Variants in EMC2 observed in about 807,000 individuals in gnomAD.
EMC2 encodes the protein ER membrane protein complex subunit 2.
In EMC2, 37 loss-of-function variants were observed where a neutral mutation model predicts 51.6. The observed-to-expected ratio is 0.72, with a 90% confidence interval of 0.55 to 0.94. The LOEUF is 0.94. EMC2 is among the 40% of genes least tolerant of loss of function. The pLI, the probability that EMC2 is intolerant of heterozygous loss-of-function variation, is 0.00. For missense variants in EMC2, 359 were observed against 350.9 expected (o/e 1.02, Z -0.18); for synonymous variants, 131 against 112.4 (o/e 1.17, Z -1.04).
chr8:108,485,452 T>TAGGTA (rs1811118548), intron 10 of EMC2, among the ~76,000 whole-genome samples: 2 of 143,928 alleles, frequency 1.4e-5, no homozygotes, highest in Non-Finnish European at 3.0e-5. Flanking sequence ...TTAATATATA[T>TAGGTA]ACATATATAT....
intron 3 of EMC2, among the ~76,000 whole-genome samples, chr8:108,451,064 G>A (rs762962514): frequency 1.8e-4 from 28 of 152,106 alleles, no homozygotes; most frequent in Non-Finnish European, 2.9e-4. Flanking sequence ...TCAGCCAGGC[G>A]TGGTGGAGCG....
chr8:108,472,550 A>G (rs1015873689), intron 7 of EMC2, among the ~76,000 whole-genome samples: 4 of 150,798 alleles, frequency 2.7e-5, no homozygotes, highest in Middle Eastern at 3.4e-3. Context: ...TTTTTTTTCT[A>G]ATTGAACACT....
At chr8:108,466,247 G>C (rs982147538) in intron 5 of EMC2, among the ~76,000 whole-genome samples, 3 of 152,132 alleles carry the variant, frequency 2.0e-5, no homozygotes, top group Non-Finnish European at 2.9e-5. Context: ...AAATGGGATT[G>C]AGAGTAGGTA....
intron 1 of EMC2, among the ~76,000 whole-genome samples, chr8:108,444,331 CTAAT>C (rs762131712): frequency 6.6e-6 from 1 of 152,152 alleles, no homozygotes; most frequent in Non-Finnish European, 1.5e-5. Flanking sequence ...GGAAAAATAA[CTAAT>C]TAACTCTGGG....
rs1306514675 is a variant in EMC2, at chr8:108,489,090, C to A, written c.*2492C>A. 6.6e-6 allele frequency among the ~76,000 whole-genome samples: 1 copy of A among 152,120 alleles called. No individual in the cohort carries two copies. The highest frequency in any genetic ancestry group is 1.9e-4 in the East Asian group (1 of 5,198). On this transcript the variant is annotated 3_prime_UTR_variant, in exon 11 of 11. Coordinates refer to ENST00000220853, the MANE Select transcript of EMC2 (RefSeq NM_014673.5). ...AGAACTGAAGGAGGATTAAGGGGAT[C>A]CTGGGTCCCTGATATGGCATTGTTG...
At chr8:108,456,071 A>G in intron 5 of EMC2, 141 bp downstream of exon 5, 1 of 247,468 alleles carries the variant, frequency 4.0e-6, no homozygotes, top group Non-Finnish European at 7.8e-6. Context: ...TTAATTTTAA[A>G]TAGTTCATGA....
At chr8:108,456,251 T>A (rs1819151688) in intron 5 of EMC2, among the ~76,000 whole-genome samples, 1 of 141,080 alleles carries the variant, frequency 7.1e-6, no homozygotes, top group African/African-American at 2.7e-5. Flanking sequence ...GAGAATCCCT[T>A]GAACCTGGGT....
At chr8:108,455,164 T>C (rs1388378774) in intron 4 of EMC2, among the ~76,000 whole-genome samples, 1 of 152,106 alleles carries the variant, frequency 6.6e-6, no homozygotes, top group Non-Finnish European at 1.5e-5. Context: ...TATATTTCTT[T>C]CTTTTTTCCC....
At chr8:108,463,499 G>C (rs1428581146) in intron 5 of EMC2, among the ~76,000 whole-genome samples, 2 of 152,138 alleles carry the variant, frequency 1.3e-5, no homozygotes, top group African/African-American at 4.8e-5. Context: ...CATTTGGTAG[G>C]CTTCCAGCGA....
chr8:108,478,797 C>G (rs1254214033), intron 9 of EMC2, among the ~76,000 whole-genome samples: 1 of 151,342 alleles, frequency 6.6e-6, no homozygotes, highest in Non-Finnish European at 1.5e-5. Flanking sequence ...ATATCTTTTC[C>G]CTTTCCACTA....
chr8:108,463,192 G>A (rs1314465023), intron 5 of EMC2, among the ~76,000 whole-genome samples: 14 of 152,080 alleles, frequency 9.2e-5, no homozygotes, highest in Non-Finnish European at 1.3e-4. Context: ...ATTTTGATTA[G>A]GTAAATATCA....
intron 5 of EMC2, among the ~76,000 whole-genome samples, chr8:108,456,878 A>G (rs960985847): frequency 6.6e-6 from 1 of 152,210 alleles, no homozygotes; most frequent in Non-Finnish European, 1.5e-5. Flanking sequence ...GAAAATAAGT[A>G]TTTTTAAAAA....
In EMC2 at chr8:108,488,300, A is replaced by G. The variant is rs548698231; in HGVS notation, c.*1702A>G. Among the ~76,000 whole-genome samples, 56 of 151,522 alleles carry G rather than the reference A, an allele frequency of 3.7e-4. No homozygotes were observed. The South Asian group carries it at 1.0e-2, about 27-fold the overall frequency. On this transcript the variant is annotated 3_prime_UTR_variant, in exon 11 of 11. Coordinates refer to ENST00000220853, the MANE Select transcript of EMC2 (RefSeq NM_014673.5). The stretch of plus-strand genomic sequence containing the variant: ...CCTCAGCCTCTGAGTAGCTGGGACT[A>G]CAGGCATGTGCCACCATGCCTGGCT...
chr8:108,456,026 T>C, intron 5 of EMC2, 96 bp downstream of exon 5: 1 of 393,636 alleles, frequency 2.5e-6, no homozygotes. Flanking sequence ...CTAGGTCTTA[T>C]ATTTTTAATT....
At chr8:108,469,771 T>C (rs1200585737) in intron 5 of EMC2, 55 bp from the exon 6 acceptor site, 5 of 1,461,210 alleles carry the variant, frequency 3.4e-6, no homozygotes, top group Non-Finnish European at 4.8e-6. Flanking sequence ...TTACCTTCTT[T>C]ACAAAACCCC....
rs990661371 is a variant in EMC2, at chr8:108,461,498, C to T, written c.363+5568C>T. 2.0e-5 allele frequency among the ~76,000 whole-genome samples: 3 copies of T among 152,062 alleles called. 1 individual carries two copies. The highest frequency in any genetic ancestry group is 2.0e-4 in the Admixed American group (3 of 15,258). On this transcript the variant is annotated intron_variant, in intron 5 of 10. Transcript: ENST00000220853. Reference sequence around the variant, plus strand: ...TGCATGGGTTTTGAGTCTGGAAGGCCTTAAAGGATGAGTGTGACTTAAATG... The same window carrying T: ...TGCATGGGTTTTGAGTCTGGAAGGCTTTAAAGGATGAGTGTGACTTAAATG...
chr8:108,476,493 C>T (rs539039196), intron 8 of EMC2, among the ~76,000 whole-genome samples: 9 of 151,958 alleles, frequency 5.9e-5, no homozygotes, highest in African/African-American at 1.7e-4. Context: ...GAAGCATTTG[C>T]GAGGCAGCTG....
At chr8:108,476,643 AGGT>A (rs1453169873) in intron 8 of EMC2, 136 bp from the exon 9 acceptor site, 1 of 479,354 alleles carries the variant, frequency 2.1e-6, no homozygotes, top group Admixed American at 3.8e-5. Context: ...AAAAACCTTT[AGGT>A]GAATTCTTTT....
chr8:108,453,927 T>G (rs903667311), intron 4 of EMC2, among the ~76,000 whole-genome samples: 1 of 152,140 alleles, frequency 6.6e-6, no homozygotes, highest in Non-Finnish European at 1.5e-5. Flanking sequence ...TAAGGATTGT[T>G]GTGTTTTTCT....
Sources: allele counts gnomAD v4.1 joint callset (sites outside exome capture counted in the v4.1 genomes callset), GRCh38; gene constraint gnomAD v4.1.1; transcripts MANE v1.5; gene names NCBI Gene and HGNC (gene_info 2026-07-23, HGNC 2026-07-21).